VEGFC: variants seen among roughly 807,000 people sequenced by gnomAD.
VEGFC encodes vascular endothelial growth factor C, also known as FLT4 ligand DHM.
In VEGFC, 12 loss-of-function variants were observed where a neutral mutation model predicts 46.1. That is an observed-to-expected ratio of 0.26 (90% CI 0.17 to 0.42). The LOEUF is 0.42. Among genes scored for constraint, VEGFC ranks in the 10% least tolerant of loss-of-function variants. VEGFC has a pLI of 1.00. For synonymous variants in VEGFC, 232 were observed against 195.5 expected, an observed-to-expected ratio of 1.19 and a Z score of -1.56; for missense variants, 488 against 529.4, an observed-to-expected ratio of 0.92 and a Z score of 0.77.
intron 4 of VEGFC, among the ~76,000 whole-genome samples, chr4:176,693,987 TATGGAAAGG>T (rs1734259280): frequency 6.6e-6 from 1 of 151,146 alleles, no homozygotes; most frequent in African/African-American, 2.4e-5. Context: ...AAGCGCTAAA[TATGGAAAGG>T]AACAACTGGT....
chr4:176,743,336 G>A (rs1735207338), intron 1 of VEGFC, among the ~76,000 whole-genome samples: 1 of 151,894 alleles, frequency 6.6e-6, no homozygotes, highest in South Asian at 2.1e-4. Context: ...AAGTGTGTAT[G>A]GAGGTATTTG....
intron 1 of VEGFC, among the ~76,000 whole-genome samples, chr4:176,733,522 G>C (rs1277737882): frequency 6.6e-6 from 1 of 151,908 alleles, no homozygotes; most frequent in East Asian, 1.9e-4. Context: ...TACATGATGT[G>C]TGATTCCTTT....
At chr4:176,748,145 T>C (rs1735286985) in intron 1 of VEGFC, among the ~76,000 whole-genome samples, 2 of 152,070 alleles carry the variant, frequency 1.3e-5, no homozygotes, top group South Asian at 4.1e-4. Context: ...GGCCCATTAT[T>C]AGGTGACGAC....
intron 1 of VEGFC, among the ~76,000 whole-genome samples, chr4:176,784,474 G>A (rs1489877448): frequency 1.3e-5 from 2 of 151,870 alleles, no homozygotes; most frequent in African/African-American, 4.8e-5. Context: ...TAGGCTGGGC[G>A]TGGTGGTTCA....
chr4:176,772,160 A>G (rs778161714), intron 1 of VEGFC, among the ~76,000 whole-genome samples: 1 of 152,216 alleles, frequency 6.6e-6, no homozygotes, highest in Non-Finnish European at 1.5e-5. Context: ...CAACACCAAT[A>G]TGTTAAAGAA....
At chr4:176,701,721 T>G (rs1734436269) in intron 4 of VEGFC, among the ~76,000 whole-genome samples, 2 of 152,168 alleles carry the variant, frequency 1.3e-5, no homozygotes, top group South Asian at 4.1e-4. Flanking sequence ...TGAACAGACA[T>G]ATGACTTACG....
intron 1 of VEGFC, among the ~76,000 whole-genome samples, chr4:176,782,323 G>A (rs1280645414): frequency 6.6e-6 from 1 of 152,068 alleles, no homozygotes; most frequent in Non-Finnish European, 1.5e-5. Flanking sequence ...AAATAGCTGG[G>A]TGGGGTGGCA....
intron 1 of VEGFC, among the ~76,000 whole-genome samples, chr4:176,749,758 G>A (rs1290506195): frequency 6.6e-6 from 1 of 151,730 alleles, no homozygotes. Flanking sequence ...GAGATAGTAT[G>A]TCACTCCCTC....
intron 1 of VEGFC, among the ~76,000 whole-genome samples, chr4:176,745,808 T>A (rs2110886785): frequency 6.6e-6 from 1 of 152,178 alleles, no homozygotes; most frequent in East Asian, 1.9e-4. Flanking sequence ...AGATGTAGCA[T>A]GGGAAACATA....
intron 3 of VEGFC, among the ~76,000 whole-genome samples, chr4:176,713,723 G>A (rs147498204): frequency 1.4e-4 from 21 of 152,220 alleles, no homozygotes; most frequent in Non-Finnish European, 2.4e-4. Flanking sequence ...ATAGAAACCT[G>A]GGGCACAGGA....
At chr4:176,697,245 G>A (rs1216779525) in intron 4 of VEGFC, among the ~76,000 whole-genome samples, 6 of 148,370 alleles carry the variant, frequency 4.0e-5, no homozygotes, top group Non-Finnish European at 7.5e-5. Flanking sequence ...TCTGACAAAG[G>A]GCTAATATCC....
chr4:176,691,194 G>A (rs1233953645), intron 4 of VEGFC, among the ~76,000 whole-genome samples: 3 of 152,268 alleles, frequency 2.0e-5, no homozygotes, highest in South Asian at 2.1e-4. Flanking sequence ...ATGATGGATA[G>A]AGGTTTAGTA....
At chr4:176,740,212 TCTATATATAGAATATATAA>T (rs1446948477) in intron 1 of VEGFC, among the ~76,000 whole-genome samples, 65 of 123,544 alleles carry the variant, frequency 5.3e-4, no homozygotes, top group Admixed American at 1.6e-3. Context: ...AGAATATATA[TCTATATATAGAATATATAA>T]CTATATATAG....
chr4:176,741,069 A>G (rs114267982), intron 1 of VEGFC, among the ~76,000 whole-genome samples: 2,067 of 152,050 alleles, frequency 0.014, 13 homozygotes, highest in Non-Finnish European at 0.022. Context: ...TCATTGTCCA[A>G]TATCTCTTAT....
chr4:176,770,791 G>C (rs1392495633), intron 1 of VEGFC, among the ~76,000 whole-genome samples: 7 of 152,054 alleles, frequency 4.6e-5, no homozygotes, highest in African/African-American at 1.7e-4. Context: ...GGCAAACACT[G>C]AGGCCTGTCA....
chr4:176,744,638 G>A (rs1220624216), intron 1 of VEGFC, among the ~76,000 whole-genome samples: 4 of 151,986 alleles, frequency 2.6e-5, no homozygotes, highest in South Asian at 4.1e-4. Context: ...ATATCAACAC[G>A]TTTATTATAA....
At chr4:176,696,321 G>T (rs1734312730) in intron 4 of VEGFC, among the ~76,000 whole-genome samples, 1 of 151,948 alleles carries the variant, frequency 6.6e-6, no homozygotes, top group African/African-American at 2.4e-5. Context: ...AAAATCACAA[G>T]CACTCTTATA....
At chr4:176,756,636 T>A (rs577471463) in intron 1 of VEGFC, among the ~76,000 whole-genome samples, 1 of 152,132 alleles carries the variant, frequency 6.6e-6, no homozygotes, top group Admixed American at 6.6e-5. Context: ...TTCTGATAGG[T>A]CTTATCATCC....
At chr4:176,691,908 G>C (rs1734187683) in intron 4 of VEGFC, among the ~76,000 whole-genome samples, 1 of 152,200 alleles carries the variant, frequency 6.6e-6, no homozygotes. Flanking sequence ...TCACTAGGGA[G>C]TGCCAGACAG....
Sources: gnomAD v4.1 joint callset for allele counts (sites outside exome capture counted in the v4.1 genomes callset) on GRCh38, gnomAD v4.1.1 for gene constraint, MANE v1.5 for transcripts, NCBI Gene and HGNC (gene_info 2026-07-23, HGNC 2026-07-21) for gene names.